The following ATOSA variants were observed in gnomAD, a reference collection of about 807,000 sequenced individuals.
ATOSA encodes the protein atos homolog A, also known as atos homolog protein A.
At chr15:52,623,735 T>A in the ATOSA span, among the ~76,000 whole-genome samples, 1 of 152,166 alleles carries the variant, frequency 6.6e-6, no homozygotes. Context: ...TAGATGGTGA[T>A]GATGGAAGAT....
chr15:52,613,583 T>C, the ATOSA span: 1 of 1,333,632 alleles, frequency 7.5e-7, no homozygotes, highest in Non-Finnish European at 1.0e-6. Flanking sequence ...CATTGAAATA[T>C]GACAATTATA....
At chr15:52,642,463 C>T in the ATOSA span, among the ~76,000 whole-genome samples, 1 of 152,138 alleles carries the variant, frequency 6.6e-6, no homozygotes, top group African/African-American at 2.4e-5. Flanking sequence ...TCTACTTAAG[C>T]CAAATTTTGA....
chr15:52,687,598 A>C, the ATOSA span, among the ~76,000 whole-genome samples: 1 of 152,248 alleles, frequency 6.6e-6, no homozygotes, highest in African/African-American at 2.4e-5. Flanking sequence ...GTGGGGTAGG[A>C]TGGTGGAAGC....
the ATOSA span, chr15:52,593,484 T>C: frequency 8.3e-7 from 1 of 1,203,112 alleles, no homozygotes; most frequent in African/African-American, 1.5e-5. Context: ...TGTTAGGAAA[T>C]GATTTATATT....
chr15:52,624,618 G>T, the ATOSA span, among the ~76,000 whole-genome samples: 1 of 152,128 alleles, frequency 6.6e-6, no homozygotes. Flanking sequence ...AATTCAGCAC[G>T]ATTTGACAGC....
At chr15:52,637,358 T>C in the ATOSA span, among the ~76,000 whole-genome samples, 1 of 152,158 alleles carries the variant, frequency 6.6e-6, no homozygotes, top group African/African-American at 2.4e-5. Context: ...AGAAAAATGA[T>C]ACATACATGT....
At chr15:52,671,233 CTTTA>C in the ATOSA span, among the ~76,000 whole-genome samples, 4 of 152,002 alleles carry the variant, frequency 2.6e-5, no homozygotes, top group East Asian at 1.9e-4. Flanking sequence ...GAAATATAAC[CTTTA>C]TTTAAGTTAT....
the ATOSA span, among the ~76,000 whole-genome samples, chr15:52,695,077 A>G: frequency 6.6e-6 from 1 of 151,944 alleles, no homozygotes; most frequent in East Asian, 1.9e-4. Flanking sequence ...GGCGTGCATC[A>G]CCATGCCTGG....
At chr15:52,608,935 A>G in the ATOSA span, 1 of 1,606,786 alleles carries the variant, frequency 6.2e-7, no homozygotes. Context: ...CTCATTTATT[A>G]TTTTTTCCTT....
the ATOSA span, among the ~76,000 whole-genome samples, chr15:52,636,477 T>A: frequency 1.3e-5 from 2 of 152,148 alleles, no homozygotes; most frequent in Non-Finnish European, 2.9e-5. Context: ...AGGGTCCTAA[T>A]CCCGTACAAC....
chr15:52,606,240 T>C, the ATOSA span, among the ~76,000 whole-genome samples: 1 of 152,114 alleles, frequency 6.6e-6, no homozygotes, highest in Non-Finnish European at 1.5e-5. Flanking sequence ...AGAAACACTG[T>C]AAATTAAAAA....
At chr15:52,651,811 C>T in the ATOSA span, 4 of 1,498,180 alleles carry the variant, frequency 2.7e-6, no homozygotes, top group Non-Finnish European at 3.6e-6. Flanking sequence ...AACTGGTAAA[C>T]AGCTACAGAA....
chr15:52,691,781 G>T, the ATOSA span, among the ~76,000 whole-genome samples: 1 of 152,050 alleles, frequency 6.6e-6, no homozygotes, highest in Admixed American at 6.6e-5. Flanking sequence ...GCTGCAGTGA[G>T]ACTTAATCAC....
chr15:52,689,503 G>A, the ATOSA span, among the ~76,000 whole-genome samples: 1 of 152,160 alleles, frequency 6.6e-6, no homozygotes, highest in Non-Finnish European at 1.5e-5. Flanking sequence ...ATTAGCTATC[G>A]ACACAAGACA....
the ATOSA span, among the ~76,000 whole-genome samples, chr15:52,617,285 C>T: frequency 3.9e-4 from 59 of 152,140 alleles, no homozygotes; most frequent in Non-Finnish European, 7.6e-4. Flanking sequence ...CTTTTTTTCT[C>T]TTCAAGGAAA....
chr15:52,681,522 C>T, the ATOSA span, among the ~76,000 whole-genome samples: 6 of 152,256 alleles, frequency 3.9e-5, no homozygotes, highest in South Asian at 6.2e-4. Flanking sequence ...ATGTTCAGAG[C>T]GTTTGGAAAT....
chr15:52,653,775 GA>G, the ATOSA span, among the ~76,000 whole-genome samples: 2 of 152,176 alleles, frequency 1.3e-5, no homozygotes, highest in African/African-American at 4.8e-5. Flanking sequence ...CTGGTTTAAT[GA>G]CAGTCTCCTC....
the ATOSA span, chr15:52,600,081 T>C: frequency 4.9e-5 from 48 of 973,026 alleles, no homozygotes; most frequent in Non-Finnish European, 6.6e-5. Context: ...CCCTAGAACC[T>C]AGGGTATAAA....
chr15:52,679,749 T>C, the ATOSA span, among the ~76,000 whole-genome samples: 1 of 142,150 alleles, frequency 7.0e-6, no homozygotes, highest in Non-Finnish European at 1.5e-5. Flanking sequence ...ATAATTATAG[T>C]CGTCGTCTCC....
Sources: gnomAD v4.1 joint callset for allele counts (sites outside exome capture counted in the v4.1 genomes callset) on GRCh38, gnomAD v4.1.1 for gene constraint, MANE v1.5 for transcripts, NCBI Gene and HGNC (gene_info 2026-07-23, HGNC 2026-07-21) for gene names.